The following CD160 variants were observed in gnomAD, a reference collection of about 807,000 sequenced individuals.
CD160 encodes CD160 antigen.
In CD160, 11 loss-of-function variants were observed where a neutral mutation model predicts 19.2. The observed-to-expected ratio is 0.57, with a 90% CI of 0.36 to 0.95. The LOEUF (loss-of-function observed/expected upper bound fraction) is 0.95, where lower values mean the gene tolerates loss of function less well. CD160 is among the 40% of genes least tolerant of loss of function. The probability of loss-of-function intolerance (pLI) is 0.01; values close to 1 mark genes in which losing one functional copy is unlikely to be tolerated. For missense variants in CD160, 182 were observed against 213.2 expected (o/e 0.85, Z 0.91); for synonymous variants, 75 against 81.1 (o/e 0.93, Z 0.40).
chr1:145,737,210 C>T (rs1657532020), intron 5 of CD160: 1 of 150,256 alleles, frequency 6.7e-6, no homozygotes, highest in Non-Finnish European at 1.5e-5. Context: ...ATGATCATGC[C>T]ACTGTACTCC....
intron 4 of CD160, among the ~76,000 whole-genome samples, chr1:145,732,976 A>G (rs1553709618): frequency 2.0e-5 from 3 of 152,312 alleles, no homozygotes; most frequent in Non-Finnish European, 4.4e-5. Flanking sequence ...CAATATGAGC[A>G]TATTATTTAG....
At chr1:145,723,929 C>G (rs184605495) in intron 1 of CD160, among the ~76,000 whole-genome samples, 18 of 152,206 alleles carry the variant, frequency 1.2e-4, no homozygotes, top group Admixed American at 7.9e-4. Context: ...AGTGAATATC[C>G]TTGTACATCT....
Position 145,728,321 on chromosome 1 carries a change from G to A in CD160, c.-7G>A, listed in dbSNP as rs1553708641. The stretch of plus-strand genomic sequence containing the variant: ...TCAAGTTCCTGGGCCTGCTGACAGC[G>A]TGCAGGATGCTGTTGGAACCCGGCA... On this transcript the variant is annotated 5_prime_UTR_variant, in exon 3 of 6. It adds an upstream start codon to the 5' untranslated region. Coordinates refer to ENST00000369288, the MANE Select transcript of CD160 (RefSeq NM_007053.4). 2.5e-6 allele frequency: 4 copies of A among 1,608,416 alleles called. No individual in the cohort carries two copies. The highest frequency in any genetic ancestry group is 2.6e-6 in the Non-Finnish European group (3 of 1,176,088).
Position 145,737,666 on chromosome 1 carries a change from A to C in CD160, c.539-820A>C, listed in dbSNP as rs1553710392. Reference sequence around the variant, plus strand: ...TAACCAGTAAAATAAATTTTATTTTAGAATAAAAATTATAAAGGGGAAATT... The same window carrying C: ...TAACCAGTAAAATAAATTTTATTTTCGAATAAAAATTATAAAGGGGAAATT... On this transcript the variant is annotated intron_variant, in intron 5 of 5. Coordinates refer to ENST00000369288, the MANE Select transcript of CD160 (RefSeq NM_007053.4). 9 of 152,022 alleles carry C rather than the reference A, an allele frequency of 5.9e-5. No homozygotes were observed. The East Asian group carries it at 1.7e-3, about 29-fold the overall frequency. 9.4% of individuals were successfully genotyped at this position (152,022 alleles called of 1,614,324 possible).
At chr1:145,731,455 G>A (rs1362142914) in intron 4 of CD160, among the ~76,000 whole-genome samples, 1 of 152,104 alleles carries the variant, frequency 6.6e-6, no homozygotes, top group Non-Finnish European at 1.5e-5. Context: ...CAGATCACCC[G>A]AGGTCAGGAG....
At chr1:145,729,879 T>G (rs1380266470) in intron 3 of CD160, among the ~76,000 whole-genome samples, 25 of 152,324 alleles carry the variant, frequency 1.6e-4, no homozygotes, top group Admixed American at 1.4e-3. Context: ...TAGAAAAACT[T>G]TTACTCATCC....
chr1:145,726,930 C>CTAAG (rs764556426), intron 2 of CD160, among the ~76,000 whole-genome samples: 1 of 152,058 alleles, frequency 6.6e-6, no homozygotes, highest in Non-Finnish European at 1.5e-5. Context: ...TCAGTTCTCC[C>CTAAG]TAAGTTAAAA....
At chr1:145,724,749 T>C (rs1287256955) in intron 1 of CD160, 52 bp from the exon 2 acceptor site, 1 of 152,068 alleles carries the variant, frequency 6.6e-6, no homozygotes, top group African/African-American at 2.4e-5. Flanking sequence ...TCTTGTATGA[T>C]TGGTTAATTT....
chr1:145,727,773 T>A, intron 2 of CD160, among the ~76,000 whole-genome samples: 1 of 152,268 alleles, frequency 6.6e-6, no homozygotes, highest in East Asian at 1.9e-4. Flanking sequence ...AATAAGCATA[T>A]GAAAAGATCC....
intron 4 of CD160, among the ~76,000 whole-genome samples, chr1:145,733,808 C>T (rs1657384337): frequency 1.3e-5 from 2 of 152,286 alleles, no homozygotes; most frequent in South Asian, 4.2e-4. Flanking sequence ...ACCCCTTCAA[C>T]CTTTTCTCTT....
chr1:145,730,678 A>T (rs111671624), intron 3 of CD160, 66 bp from the exon 4 acceptor site: 2 of 1,303,338 alleles, frequency 1.5e-6, no homozygotes, highest in African/African-American at 1.4e-5. Flanking sequence ...AGTGATAAGG[A>T]GCAGTTACGG....
chr1:145,736,370 G>A lies in CD160; in HGVS notation c.538+236G>A, dbSNP rs921055255. On this transcript the variant is annotated intron_variant, in intron 5 of 5. Coordinates refer to ENST00000369288, the MANE Select transcript of CD160 (RefSeq NM_007053.4). ...ATGGGTAGGAGGTAAGACTCATTAG[G>A]AATGAAGGCCTGTGAGAGAGGCAAG... is the stretch of plus-strand genomic sequence containing the variant. 4 of 1,216,642 alleles carry A rather than the reference G, an allele frequency of 3.3e-6. No individual in the cohort carries two copies. In the African/African-American group the frequency reaches 6.1e-5, roughly 18 times the overall value. 75.4% of individuals were successfully genotyped at this position (1,216,642 alleles called of 1,614,324 possible). A position where few individuals can be genotyped will look rare whatever the true frequency, so the allele number is the denominator to read the frequency against.
chr1:145,728,458 G>T, intron 3 of CD160, 58 bp downstream of exon 3: 1 of 1,107,692 alleles, frequency 9.0e-7, no homozygotes, highest in Non-Finnish European at 1.4e-6. Context: ...CTTGTGGGAA[G>T]GGCTGGATCC....
chr1:145,738,309 C>A (rs1246493553), intron 5 of CD160, 177 bp from the exon 6 acceptor site: 3 of 396,530 alleles, frequency 7.6e-6, no homozygotes, highest in African/African-American at 4.1e-5. Flanking sequence ...AAGATTACAA[C>A]CCTAATTTAG....
chr1:145,723,882 C>T (rs1656953699), intron 1 of CD160, among the ~76,000 whole-genome samples: 1 of 152,076 alleles, frequency 6.6e-6, no homozygotes, highest in Admixed American at 6.6e-5. Flanking sequence ...CTGGCCTTCA[C>T]CTGTTTCTAT....
chr1:145,738,205 T>A (rs1553710501), intron 5 of CD160: 1 of 264,158 alleles, frequency 3.8e-6, no homozygotes. Context: ...TTCAACTTTT[T>A]GAGTGGCATC....
intron 1 of CD160, among the ~76,000 whole-genome samples, chr1:145,720,687 C>T (rs992770425): frequency 2.6e-5 from 4 of 152,190 alleles, no homozygotes; most frequent in Non-Finnish European, 4.4e-5. Flanking sequence ...AATGGAGACT[C>T]TTCCTTGCCC....
chr1:145,732,191 C>T lies in CD160; in HGVS notation c.400+1121C>T, dbSNP rs587615848. 1.8e-4 allele frequency among the ~76,000 whole-genome samples: 27 copies of T among 152,104 alleles called. 1 individual carries two copies. In the South Asian group the frequency reaches 5.4e-3, roughly 30 times the overall value. ...ATTCTGTGGGAAAAAAAAAATTTAC[C>T]TAGAATTATATATTCAGCCAAACTA... On this transcript the variant is annotated intron_variant, in intron 4 of 5. Coordinates refer to ENST00000369288, the MANE Select transcript of CD160 (RefSeq NM_007053.4).
intron 2 of CD160, among the ~76,000 whole-genome samples, chr1:145,725,322 G>A (rs1269689675): frequency 6.6e-6 from 1 of 151,982 alleles, no homozygotes; most frequent in Admixed American, 6.5e-5. Context: ...GCAGGCGCCT[G>A]TAATCCCAGA....
Sources: gnomAD v4.1 joint callset for allele counts (sites outside exome capture counted in the v4.1 genomes callset) on GRCh38, gnomAD v4.1.1 for gene constraint, MANE v1.5 for transcripts, NCBI Gene and HGNC (gene_info 2026-07-23, HGNC 2026-07-21) for gene names.